Variants in ADGRL3 observed in about 807,000 individuals in gnomAD.
The protein encoded by ADGRL3 is calcium-independent alpha-latrotoxin receptor 3.
In ADGRL3, 62 loss-of-function variants were observed where a neutral mutation model predicts 153.5. That is an observed-to-expected ratio of 0.40 (90% CI 0.33 to 0.50). The LOEUF (loss-of-function observed/expected upper bound fraction) is 0.50, where lower values mean the gene tolerates loss of function less well. ADGRL3 is among the 20% of genes least tolerant of loss of function. The pLI is 0.47. For synonymous variants in ADGRL3, 710 were observed against 672.5 expected (o/e 1.06, Z -0.86); for missense variants, 1,641 against 1,859.4 (o/e 0.88, Z 2.16).
intron 1 of ADGRL3, among the ~76,000 whole-genome samples, chr4:61,374,003 T>C (rs746199670): frequency 6.6e-5 from 10 of 152,154 alleles, no homozygotes; most frequent in East Asian, 1.9e-4. Context: ...ACACGAATCC[T>C]TTGAACTTCA....
rs1401377739 is a variant in ADGRL3 at position 62,061,425 on chromosome 4, C to T, written c.3815-6741C>T. 2.0e-5 allele frequency among the ~76,000 whole-genome samples: 3 copies of T among 151,848 alleles called. No homozygotes were observed. The East Asian group carries it at 5.8e-4, about 29-fold the overall frequency. Reference sequence around the variant, plus strand: ...GAATATTAATATTGACACAATCCACCACTCTTGTTCAGATTTCTTTAGTTT... The same window carrying T: ...GAATATTAATATTGACACAATCCACTACTCTTGTTCAGATTTCTTTAGTTT... On this transcript the variant is annotated intron_variant, in intron 25 of 26. Transcript: ENST00000683033.
At chr4:61,334,058 A>C (rs2095628146) in intron 1 of ADGRL3, among the ~76,000 whole-genome samples, 1 of 151,766 alleles carries the variant, frequency 6.6e-6, no homozygotes, top group African/African-American at 2.4e-5. Flanking sequence ...CTGGAATTAC[A>C]GGTGTGCACC....
At chr4:61,989,334 T>C (rs1380734042) in intron 19 of ADGRL3, among the ~76,000 whole-genome samples, 1 of 152,118 alleles carries the variant, frequency 6.6e-6, no homozygotes, top group Non-Finnish European at 1.5e-5. Context: ...AAAATGTTCT[T>C]ATAACACTTC....
chr4:61,710,807 C>T (rs914861486), intron 6 of ADGRL3, among the ~76,000 whole-genome samples: 9 of 152,154 alleles, frequency 5.9e-5, no homozygotes, highest in Non-Finnish European at 1.3e-4. Context: ...CTCTAATATA[C>T]TTGTCAAGCA....
In ADGRL3 at chr4:61,682,366, A is replaced by G. The variant is rs374562056; in HGVS notation, c.583+5431A>G. Among the ~76,000 whole-genome samples the G allele has an allele frequency of 9.2e-5, 14 of 151,884 alleles. No homozygotes were observed. The East Asian group carries it at 2.3e-3, about 25-fold the overall frequency. ...CTTACCACAGTTTCTTTCCCTCCAAATAATTTATCTCTCCTTCACAGAATC... is the reference window on the plus strand; with the variant it reads ...CTTACCACAGTTTCTTTCCCTCCAAGTAATTTATCTCTCCTTCACAGAATC... On this transcript the variant is annotated intron_variant, in intron 6 of 26. Coordinates refer to ENST00000683033, the MANE Select transcript of ADGRL3 (RefSeq NM_001387552.1).
chr4:61,767,478 T>C (rs1254095632), intron 8 of ADGRL3, among the ~76,000 whole-genome samples: 2 of 152,060 alleles, frequency 1.3e-5, no homozygotes, highest in Non-Finnish European at 2.9e-5. Context: ...GGGGACGGGC[T>C]TACCTTCCAC....
At position 61,202,107 on chromosome 4, in the gene ADGRL3, C is replaced by G. The variant is rs1249041612; in HGVS notation, c.-240+342C>G. On this transcript the variant is annotated intron_variant, in intron 1 of 26. Transcript: ENST00000683033. This position sits in a 1 kb window ranked among gnomAD's most constrained non-coding sequence, Gnocchi z 5.0. ...AGTTCCCACCCCGTTAATTTTCCCT[C>G]TCCTCTCACCCCAGTGGCATCCCCT... 1 of 152,576 alleles carries G rather than the reference C, an allele frequency of 6.6e-6. No individual in the cohort carries two copies. The allele number at this position is 152,576 out of a possible 1,614,324, so 9.5% of individuals were successfully genotyped here.
chr4:61,329,694 A>G (rs1032895), intron 1 of ADGRL3, among the ~76,000 whole-genome samples: 1 of 148,854 alleles, frequency 6.7e-6, no homozygotes, highest in Non-Finnish European at 1.5e-5. Flanking sequence ...TTTTATAAGA[A>G]AAAAAATATA....
At chr4:61,481,825 CTCTT>C (rs1366254912) in intron 2 of ADGRL3, among the ~76,000 whole-genome samples, 1 of 151,938 alleles carries the variant, frequency 6.6e-6, no homozygotes, top group East Asian at 1.9e-4. Flanking sequence ...TATTTATCTT[CTCTT>C]TAACATTTTT....
intron 9 of ADGRL3, among the ~76,000 whole-genome samples, chr4:61,850,239 T>C (rs950430268): frequency 6.6e-6 from 1 of 152,162 alleles, no homozygotes; most frequent in Non-Finnish European, 1.5e-5. Flanking sequence ...GAAAGTTCTG[T>C]GTTATTATTT....
At chr4:61,300,755 C>G (rs1205074676) in intron 1 of ADGRL3, among the ~76,000 whole-genome samples, 4 of 135,426 alleles carry the variant, frequency 3.0e-5, no homozygotes, top group South Asian at 2.5e-4. Flanking sequence ...GTTTTGTTTT[C>G]TTTTCTTTCT....
chr4:61,832,837 G>A (rs1000337319), intron 9 of ADGRL3, among the ~76,000 whole-genome samples: 2 of 149,576 alleles, frequency 1.3e-5, no homozygotes, highest in Non-Finnish European at 3.0e-5. Flanking sequence ...TTAAGAGAAG[G>A]GGTCTATGTG....
chr4:61,947,016 A>T lies in ADGRL3; in HGVS notation c.2522A>T (p.His841Leu). Reference protein sequence around the residue: ...KLGTEALSTNHSVIVNSPVIT... With the variant: ...KLGTEALSTNLSVIVNSPVIT... ...GGAACGGAAGCTTTGTCCACAAATC[A>T]TTCTGTTATTGTCAATTCCCCTGTT... is the stretch of plus-strand genomic sequence containing the variant. The change falls in exon 16 of 27, where the codon CAT becomes CTT. Residue 841 changes from histidine (H) to leucine (L), a missense_variant. Around this residue, in one of 5 missense-constraint regions of ADGRL3, gnomAD observed 734 missense variants for 797.0 expected, o/e 0.92. Coordinates refer to ENST00000683033, the MANE Select transcript of ADGRL3 (RefSeq NM_001387552.1). 6.2e-7 allele frequency: 1 copy of T among 1,613,800 alleles called. No individual in the cohort carries two copies. The highest frequency in any genetic ancestry group is 2.2e-5 in the East Asian group (1 of 44,840).
chr4:61,347,092 T>G (rs1560502074), intron 1 of ADGRL3, among the ~76,000 whole-genome samples: 2 of 152,048 alleles, frequency 1.3e-5, no homozygotes, highest in Non-Finnish European at 2.9e-5. Context: ...TAAAACAACT[T>G]TCCTAGCACC....
chr4:61,280,107 C>CTT (rs771732117), intron 1 of ADGRL3, among the ~76,000 whole-genome samples: 1,186 of 94,608 alleles, frequency 0.013, 68 homozygotes, highest in South Asian at 0.044. Context: ...CTTTTCTTTT[C>CTT]TTTTTCTTTT....
intron 1 of ADGRL3, among the ~76,000 whole-genome samples, chr4:61,279,919 A>G (rs1369380311): frequency 1.3e-5 from 2 of 152,040 alleles, no homozygotes; most frequent in African/African-American, 2.4e-5. Flanking sequence ...ATTTGTTGCA[A>G]CTACTTAATG....
intron 8 of ADGRL3, among the ~76,000 whole-genome samples, chr4:61,783,502 T>G (rs1466527258): frequency 6.6e-6 from 1 of 152,090 alleles, no homozygotes; most frequent in African/African-American, 2.4e-5. Flanking sequence ...AAAGAGGTAG[T>G]TCTAGGAAAT....
At chr4:62,005,802 C>T (rs1216844645) in intron 21 of ADGRL3, among the ~76,000 whole-genome samples, 8 of 150,890 alleles carry the variant, frequency 5.3e-5, no homozygotes, top group Non-Finnish European at 1.0e-4. Flanking sequence ...ATGTTATTCA[C>T]ATATTTTAAT....
chr4:61,713,144 C>G (rs1237374647), intron 6 of ADGRL3, among the ~76,000 whole-genome samples: 1 of 151,998 alleles, frequency 6.6e-6, no homozygotes, highest in Non-Finnish European at 1.5e-5. Flanking sequence ...GACTCTGGAG[C>G]CCTTTTTAAC....
Sources: gnomAD v4.1 joint callset for allele counts (sites outside exome capture counted in the v4.1 genomes callset) on GRCh38, gnomAD v4.1.1 for gene constraint, gnomAD v4.1.1 regional missense constraint, Gnocchi (gnomAD v3.1) non-coding constraint, MANE v1.5 for transcripts, NCBI Gene and HGNC (gene_info 2026-07-23, HGNC 2026-07-21) for gene names.